The following GPHN variants were observed in gnomAD, a reference collection of about 807,000 sequenced individuals.
GPHN encodes gephyrin.
A neutral mutation model predicts 95.5 loss-of-function variants in GPHN; 17 were observed. The observed-to-expected ratio is 0.18, with a 90% CI of 0.12 to 0.27. The LOEUF is 0.27. GPHN is among the 10% of genes least tolerant of loss of function. The probability of loss-of-function intolerance (pLI) is 1.00; values close to 1 mark genes in which losing one functional copy is unlikely to be tolerated. For missense variants in GPHN, 660 were observed against 978.1 expected (o/e 0.67, Z 4.34); for synonymous variants, 320 against 322.5 (o/e 0.99, Z 0.08).
the GPHN span, among the ~76,000 whole-genome samples, chr14:67,458,760 C>T: frequency 0.02 from 3,059 of 152,298 alleles, 176 homozygotes; most frequent in South Asian, 0.12. Context: ...CTCACTCTGT[C>T]ACCCAGGCTA....
At chr14:66,922,358 T>C (rs1245037356) in intron 6 of GPHN, among the ~76,000 whole-genome samples, 1 of 151,954 alleles carries the variant, frequency 6.6e-6, no homozygotes, top group African/African-American at 2.4e-5. Flanking sequence ...ATTACAAATT[T>C]TAGATCATTT....
the GPHN span, among the ~76,000 whole-genome samples, chr14:67,484,464 A>T: frequency 6.6e-6 from 1 of 152,250 alleles, no homozygotes; most frequent in Non-Finnish European, 1.5e-5. Context: ...TTCTAATTAT[A>T]AAAGCAACAT....
At chr14:66,560,945 G>T (rs922761005) in intron 1 of GPHN, among the ~76,000 whole-genome samples, 1 of 152,086 alleles carries the variant, frequency 6.6e-6, no homozygotes, top group Non-Finnish European at 1.5e-5. Context: ...AGAGTTTTTA[G>T]TATGAAAGGT....
the GPHN span, among the ~76,000 whole-genome samples, chr14:67,436,650 T>C: frequency 2.0e-5 from 3 of 152,180 alleles, no homozygotes; most frequent in African/African-American, 7.2e-5. Flanking sequence ...GCCCAGTCCT[T>C]CCACAAGTTC....
chr14:66,555,482 T>A (rs1442955570), intron 1 of GPHN, among the ~76,000 whole-genome samples: 3 of 151,964 alleles, frequency 2.0e-5, no homozygotes, highest in Non-Finnish European at 4.4e-5. Flanking sequence ...AATGAATGTG[T>A]CCTATGATTG....
intron 2 of GPHN, among the ~76,000 whole-genome samples, chr14:66,687,520 C>A (rs1337830816): frequency 1.5e-5 from 2 of 130,848 alleles, no homozygotes; most frequent in African/African-American, 5.9e-5. Flanking sequence ...CGGAGTTTCG[C>A]TCTTGTTGCT....
At chr14:67,329,835 AAAATAAATAAATAAATAAAT>A in the GPHN span, among the ~76,000 whole-genome samples, 18 of 96,956 alleles carry the variant, frequency 1.9e-4, no homozygotes, top group East Asian at 1.5e-3. Flanking sequence ...CTTGGTCTCA[AAAATAAATAAATAAATAAAT>A]AAATAAATAA....
chr14:67,188,658 CAG>C, the GPHN span, among the ~76,000 whole-genome samples: 4 of 152,152 alleles, frequency 2.6e-5, no homozygotes, highest in Non-Finnish European at 5.9e-5. Flanking sequence ...GAGACAATAA[CAG>C]GGGAACCACT....
the GPHN span, among the ~76,000 whole-genome samples, chr14:67,193,954 C>CAAAAAAAAAACAAAA: frequency 0.011 from 906 of 85,668 alleles, 25 homozygotes; most frequent in African/African-American, 0.033. Flanking sequence ...CAAAAAAAAA[C>CAAAAAAAAAACAAAA]AAAAAAAAAA....
the GPHN span, among the ~76,000 whole-genome samples, chr14:67,405,761 C>T: frequency 6.6e-6 from 1 of 152,180 alleles, no homozygotes; most frequent in Non-Finnish European, 1.5e-5. Context: ...ATATCCTAAG[C>T]AGCCCAATTG....
chr14:67,262,594 T>G, the GPHN span, among the ~76,000 whole-genome samples: 2 of 152,204 alleles, frequency 1.3e-5, no homozygotes, highest in Non-Finnish European at 2.9e-5. Flanking sequence ...TTGTCTTTAT[T>G]GGCCACTCCA....
chr14:67,734,047 C>T, the GPHN span: 2 of 505,818 alleles, frequency 4.0e-6, no homozygotes, highest in East Asian at 4.2e-5. Context: ...GAGTTGTGGA[C>T]ACCTATAGAG....
chr14:66,599,875 T>TA (rs1362409826), intron 1 of GPHN, among the ~76,000 whole-genome samples: 1 of 152,026 alleles, frequency 6.6e-6, no homozygotes, highest in Non-Finnish European at 1.5e-5. Flanking sequence ...GTATTCAGGC[T>TA]AAAAAATACC....
chr14:67,519,171 G>A, the GPHN span, among the ~76,000 whole-genome samples: 1 of 152,096 alleles, frequency 6.6e-6, no homozygotes. Flanking sequence ...GAAGGAAAGG[G>A]GCATAAAGAG....
chr14:66,832,263 T>C (rs1040079310), intron 4 of GPHN, among the ~76,000 whole-genome samples: 6 of 152,184 alleles, frequency 3.9e-5, no homozygotes, highest in African/African-American at 1.4e-4. Context: ...ACTTTTCAAG[T>C]AGTAAATGGC....
the GPHN span, among the ~76,000 whole-genome samples, chr14:67,553,117 C>CA: frequency 3.3e-5 from 5 of 152,134 alleles, no homozygotes; most frequent in African/African-American, 1.2e-4. Flanking sequence ...AAGAGCAAGA[C>CA]AAGTTTTTCC....
At chr14:67,161,791 A>G (rs924956515) in intron 19 of GPHN, among the ~76,000 whole-genome samples, 1 of 152,186 alleles carries the variant, frequency 6.6e-6, no homozygotes, top group Non-Finnish European at 1.5e-5. Context: ...TTGCAGAGGG[A>G]AAGAAGCCAA....
the GPHN span, chr14:67,397,556 T>C: frequency 1.0e-5 from 10 of 953,062 alleles, no homozygotes; most frequent in African/African-American, 6.6e-5. Context: ...AGTTTTTCAA[T>C]TCTAACTCTG....
chr14:66,713,306 T>A (rs2069845232), intron 2 of GPHN, among the ~76,000 whole-genome samples: 2 of 152,210 alleles, frequency 1.3e-5, no homozygotes, highest in African/African-American at 4.8e-5. Flanking sequence ...TGATTTGATT[T>A]TTGTGTAAGG....
Sources: allele counts gnomAD v4.1 joint callset (sites outside exome capture counted in the v4.1 genomes callset), GRCh38; gene constraint gnomAD v4.1.1; transcripts MANE v1.5; gene names NCBI Gene and HGNC (gene_info 2026-07-23, HGNC 2026-07-21).